TDG: variants seen among roughly 807,000 people sequenced by gnomAD.
TDG encodes the protein G/T mismatch-specific thymine DNA glycosylase.
A neutral mutation model predicts 46.1 loss-of-function variants in TDG; 23 were observed. The observed-to-expected ratio is 0.50, with a 90% CI of 0.36 to 0.71. The LOEUF is 0.71. TDG is among the 30% of genes least tolerant of loss of function. The pLI is 0.00. For synonymous variants in TDG, 115 were observed against 161.3 expected (o/e 0.71, Z 2.18); for missense variants, 304 against 486.7 (o/e 0.62, Z 3.53).
At chr12:103,974,867 C>T (rs541406269) in intron 1 of TDG, among the ~76,000 whole-genome samples, 5 of 149,982 alleles carry the variant, frequency 3.3e-5, no homozygotes, top group South Asian at 4.2e-4. Flanking sequence ...CCCAGCTACT[C>T]GGGAGGCTGA....
Position 103,982,872 on chromosome 12 carries a change from G to A in TDG, c.552G>A (p.Lys184=). 6.2e-7 allele frequency: 1 copy of A among 1,614,172 alleles called. No individual in the cohort carries two copies. The highest frequency in any genetic ancestry group is 8.5e-7 in the Non-Finnish European group (1 of 1,180,036). ...TGGATGATCACACTCTACCAGGGAA[G>A]TATGGTATTGGATTTACCAACATGG... The part of the protein sequence containing the change: ...NHMDDHTLPG[K]YGIGFTNMVE... Residue 184 remains lysine, a synonymous_variant, in exon 5 of 10, where the codon AAG becomes AAA. Transcript: ENST00000392872.
At chr12:103,985,004 T>TATATAC in intron 8 of TDG, 84 bp downstream of exon 8, 1 of 1,137,844 alleles carries the variant, frequency 8.8e-7, no homozygotes, top group Non-Finnish European at 1.2e-6. Context: ...CACATATACA[T>TATATAC]ATATACATAT....
In TDG at chr12:103,965,897, C is replaced by A; in HGVS notation, c.-141C>A. 3 of 1,328,002 alleles carry A rather than the reference C, an allele frequency of 2.3e-6. No individual in the cohort carries two copies. Among genetic ancestry groups the A allele is most frequent in the South Asian group, 1.4e-5 (1 of 70,062 alleles). The allele number at this position is 1,328,002 out of a possible 1,614,324, so 82.3% of individuals were successfully genotyped here. A position where few individuals can be genotyped will look rare whatever the true frequency, so the allele number is the denominator to read the frequency against. On this transcript the variant is annotated 5_prime_UTR_variant, in exon 1 of 10. Transcript: ENST00000392872. ...AGAAGCCTGGAGGAGGAGCTTGAGT[C>A]CAGCCACTGTCTGGGTACTGCCAGC...
chr12:103,976,048 C>T (rs1871521232), intron 1 of TDG, among the ~76,000 whole-genome samples: 1 of 143,420 alleles, frequency 7.0e-6, no homozygotes, highest in South Asian at 2.3e-4. Context: ...ACATTCAAAC[C>T]ATAGCAGTGG....
At chr12:103,980,382 G>A (rs113298360) in intron 3 of TDG, 474 of 312,662 alleles carry the variant, frequency 1.5e-3, no homozygotes, top group Non-Finnish European at 2.3e-3. Flanking sequence ...AGGGTTGCAA[G>A]TAAATGAGAG....
intron 9 of TDG, 32 bp from the exon 10 acceptor site, chr12:103,986,916 C>T: frequency 6.9e-7 from 1 of 1,441,014 alleles, no homozygotes; most frequent in South Asian, 1.3e-5. Context: ...TTCTAAATGG[C>T]ATAAACTAAC....
intron 8 of TDG, among the ~76,000 whole-genome samples, chr12:103,985,180 C>T (rs550566914): frequency 0.15 from 20,689 of 134,658 alleles, 1,578 homozygotes; most frequent in Admixed American, 0.21. Flanking sequence ...CACACACACA[C>T]ACACACACAC....
chr12:103,981,297 G>A (rs1383928551), intron 4 of TDG, among the ~76,000 whole-genome samples: 4 of 141,548 alleles, frequency 2.8e-5, no homozygotes, highest in African/African-American at 7.9e-5. Flanking sequence ...GTGCAATGGC[G>A]CGATCTCGGC....
At chr12:103,979,076 G>T (rs1871678996) in intron 2 of TDG, among the ~76,000 whole-genome samples, 1 of 148,214 alleles carries the variant, frequency 6.7e-6, no homozygotes, top group South Asian at 2.2e-4. Context: ...TCTAAAACAA[G>T]CCCACAAGCC....
rs4135119 is a variant in TDG, at chr12:103,984,751, C to G, written c.795C>G (p.Leu265=). 3.1e-6 allele frequency: 5 copies of G among 1,599,634 alleles called. No individual in the cohort carries two copies. The highest frequency in any genetic ancestry group is 1.7e-5 in the Admixed American group (1 of 58,914). Residue 265 remains leucine (L), a splice_region_variant and synonymous_variant, in exon 8 of 10, where the codon CTC becomes CTG. Transcript: ENST00000392872. ...ATTATAAAATGTTGTGATTCTAGCT[C>G]TGCTATGTTATGCCATCATCCAGTG... ...QPHKIPDTET[L]CYVMPSSSAR...
At chr12:103,979,038 A>G (rs1387084908) in intron 2 of TDG, among the ~76,000 whole-genome samples, 5 of 151,404 alleles carry the variant, frequency 3.3e-5, no homozygotes, top group African/African-American at 1.2e-4. Context: ...CTCTTCAACT[A>G]TGTATGGAAC....
intron 2 of TDG, among the ~76,000 whole-genome samples, chr12:103,979,015 C>G (rs953437895): frequency 4.6e-5 from 7 of 152,040 alleles, no homozygotes; most frequent in Non-Finnish European, 7.4e-5. Context: ...ATCCTGGGCA[C>G]CCCTAAATTC....
chr12:103,983,298 T>C lies in TDG; in HGVS notation c.701T>C (p.Ile234Thr), dbSNP rs1440255029. ...PRIAVFNGKC[I>T]YEIFSKEVFG... ...ATATGTTTGTATTTCATTTTAGGTA[T>C]TTATGAAATTTTTAGTAAAGAAGTT... Residue 234 changes from isoleucine to threonine, a missense_variant, in exon 7 of 10, where the codon ATT becomes ACT. Coordinates refer to ENST00000392872, the MANE Select transcript of TDG (RefSeq NM_003211.6). 2.5e-6 allele frequency: 4 copies of C among 1,581,772 alleles called. No individual in the cohort carries two copies. Among genetic ancestry groups the C allele is most frequent in the African/African-American group, 2.7e-5 (2 of 72,966 alleles).
At chr12:103,980,143 G>T (rs1272440766) in intron 3 of TDG, 71 bp downstream of exon 3, 1 of 1,588,302 alleles carries the variant, frequency 6.3e-7, no homozygotes, top group Non-Finnish European at 8.6e-7. Flanking sequence ...AGTTGTCCTT[G>T]CAAATAGCAT....
At position 103,966,049 on chromosome 12, in the gene TDG, G is replaced by C; in HGVS notation, c.12G>C (p.Glu4Asp). 1 of 1,595,638 alleles carries C rather than the reference G, an allele frequency of 6.3e-7. No homozygotes were observed. Among genetic ancestry groups the C allele is most frequent in the Non-Finnish European group, 8.5e-7 (1 of 1,171,844 alleles). Residue 4 changes from glutamate to aspartate, a missense_variant, in exon 1 of 10, where the codon GAG (glutamate) becomes GAC (aspartate). By Grantham distance (45) the Glu-to-Asp change is conservative. Coordinates refer to ENST00000392872, the MANE Select transcript of TDG (RefSeq NM_003211.6). Reference protein sequence around the residue: MEAENAGSYSLQQA... With the variant: MEADNAGSYSLQQA... Reference sequence around the variant, plus strand: ...AGCGGCCTCGGGGAATGGAAGCGGAGAACGCGGGCAGGTAATACCGGGGCC... The same window carrying C: ...AGCGGCCTCGGGGAATGGAAGCGGACAACGCGGGCAGGTAATACCGGGGCC...
At chr12:103,976,554 A>G (rs1593511875) in intron 1 of TDG, among the ~76,000 whole-genome samples, 1 of 152,226 alleles carries the variant, frequency 6.6e-6, no homozygotes, top group East Asian at 1.9e-4. Context: ...CACAAATTGT[A>G]TTTGGGGACA....
At chr12:103,986,054 G>A (rs919473703) in intron 9 of TDG, among the ~76,000 whole-genome samples, 1 of 151,994 alleles carries the variant, frequency 6.6e-6, no homozygotes, top group African/African-American at 2.4e-5. Context: ...CGAGTAGCTG[G>A]GACTACAGGC....
chr12:103,985,164 C>T (rs866660971), intron 8 of TDG, among the ~76,000 whole-genome samples: 32 of 63,390 alleles, frequency 5.0e-4, no homozygotes, highest in South Asian at 4.9e-4. Flanking sequence ...TATATAGACA[C>T]ATACACACAC....
chr12:103,980,122 C>T (rs776500102), intron 3 of TDG, 50 bp downstream of exon 3: 13 of 1,603,726 alleles, frequency 8.1e-6, no homozygotes. Flanking sequence ...GGGGGATCAG[C>T]TTTACTTAAC....
Sources: allele counts gnomAD v4.1 joint callset (sites outside exome capture counted in the v4.1 genomes callset), GRCh38; gene constraint gnomAD v4.1.1; transcripts MANE v1.5; gene names NCBI Gene and HGNC (gene_info 2026-07-23, HGNC 2026-07-21).